Variants in EYA2 observed in about 807,000 individuals in gnomAD.
The protein encoded by EYA2 is protein phosphatase EYA2.
In EYA2, 31 loss-of-function variants were observed where a neutral mutation model predicts 69.2. That is an observed-to-expected ratio of 0.45 (90% confidence interval 0.34 to 0.60). The LOEUF is 0.60. Among genes scored for constraint, EYA2 ranks in the 20% least tolerant of loss-of-function variants. EYA2 has a pLI of 0.02. For missense variants in EYA2, 622 were observed against 701.2 expected (o/e 0.89, Z 1.28); for synonymous variants, 257 against 279.4 (o/e 0.92, Z 0.80).
chr20:47,163,461 G>A (rs1161705072), intron 10 of EYA2, among the ~76,000 whole-genome samples: 1 of 152,122 alleles, frequency 6.6e-6, no homozygotes, highest in Non-Finnish European at 1.5e-5. Flanking sequence ...CACTTTGGGA[G>A]TCCGAGGCAG....
At chr20:47,075,131 T>C (rs990884374) in intron 7 of EYA2, among the ~76,000 whole-genome samples, 1 of 152,166 alleles carries the variant, frequency 6.6e-6, no homozygotes, top group African/African-American at 2.4e-5. Flanking sequence ...AATAAATAAA[T>C]AAAATACCCA....
At chr20:47,157,983 C>T (rs1407127350) in intron 10 of EYA2, among the ~76,000 whole-genome samples, 1 of 151,956 alleles carries the variant, frequency 6.6e-6, no homozygotes, top group Admixed American at 6.5e-5. Flanking sequence ...GACAAATGGA[C>T]AAATTGCGGT....
At chr20:47,142,160 A>C (rs918856954) in intron 9 of EYA2, among the ~76,000 whole-genome samples, 1 of 152,240 alleles carries the variant, frequency 6.6e-6, no homozygotes, top group Admixed American at 6.5e-5. Context: ...TTTCTAAAAA[A>C]ATGTAAAAAC....
intron 15 of EYA2, among the ~76,000 whole-genome samples, chr20:47,183,766 G>A (rs563946773): frequency 2.0e-5 from 3 of 152,150 alleles, no homozygotes; most frequent in Non-Finnish European, 4.4e-5. Context: ...ACAGCATTAA[G>A]CTAATGAAAA....
intron 5 of EYA2, among the ~76,000 whole-genome samples, chr20:47,063,633 G>A (rs2030994409): frequency 6.6e-6 from 1 of 152,136 alleles, no homozygotes; most frequent in African/African-American, 2.4e-5. Context: ...CTCTGATTGT[G>A]GGCCAAGTCT....
At position 46,962,973 on chromosome 20, in the gene EYA2, G is replaced by A. The variant is rs116154887; in HGVS notation, c.-10-27028G>A. ...TCCCTGGCACCAGCCTTCAGCCAGT[G>A]CCTCACAGGAGTGGGTGTATAAATA... On this transcript the variant is annotated intron_variant, in intron 1 of 15. Transcript: ENST00000327619. Among the ~76,000 whole-genome samples, 1,352 of 152,346 alleles carry A rather than the reference G, an allele frequency of 8.9e-3. 22 individuals are homozygous for A. The highest frequency in any genetic ancestry group is 0.03 in the African/African-American group (1,244 of 41,568).
intron 5 of EYA2, among the ~76,000 whole-genome samples, chr20:47,049,190 TAC>T (rs909501176): frequency 1.4e-5 from 1 of 70,230 alleles, no homozygotes; most frequent in Admixed American, 1.2e-4. Context: ...GCAAAGATAG[TAC>T]AGAGTTCCCT....
chr20:46,915,866 G>A (rs1419365666), intron 1 of EYA2, among the ~76,000 whole-genome samples: 3 of 152,144 alleles, frequency 2.0e-5, no homozygotes, highest in East Asian at 1.9e-4. Flanking sequence ...CCCCGGACCT[G>A]GGGGCTCAAT....
chr20:46,981,325 T>G (rs1005765637), intron 1 of EYA2, among the ~76,000 whole-genome samples: 1 of 152,232 alleles, frequency 6.6e-6, no homozygotes, highest in Non-Finnish European at 1.5e-5. Context: ...CTTGAGTTGC[T>G]TGTTCACATT....
chr20:47,172,782 C>T lies in EYA2; in HGVS notation c.1113C>T (p.His371=), dbSNP rs200642511. ...ACCTGTGCCTGGGCTCTGGCGTGCA[C>T]GGCGGCGTGGACTGGATGAGGAAGC... is the stretch of plus-strand genomic sequence containing the variant. The part of the protein sequence containing the change: ...GANLCLGSGV[H]GGVDWMRKLA... Residue 371 remains histidine, a synonymous_variant, in exon 12 of 16, where the codon CAC becomes CAT. Coordinates refer to ENST00000327619, the MANE Select transcript of EYA2 (RefSeq NM_005244.5). The T allele has an allele frequency of 1.1e-5, 17 of 1,614,098 alleles. No homozygotes were observed. In the East Asian group the frequency reaches 2.2e-4, roughly 21 times the overall value.
At chr20:46,950,513 C>T (rs1183490367) in intron 1 of EYA2, among the ~76,000 whole-genome samples, 1 of 152,158 alleles carries the variant, frequency 6.6e-6, no homozygotes, top group Non-Finnish European at 1.5e-5. Flanking sequence ...CCCTGCTCCT[C>T]CTTCTGGGTG....
intron 1 of EYA2, among the ~76,000 whole-genome samples, chr20:46,900,383 G>A (rs117907069): frequency 6.6e-5 from 10 of 152,178 alleles, no homozygotes; most frequent in East Asian, 1.9e-4. Flanking sequence ...TGAAATACAC[G>A]TGTATTAGCC....
intron 1 of EYA2, among the ~76,000 whole-genome samples, chr20:46,898,556 A>G (rs1983933139): frequency 6.6e-6 from 1 of 152,214 alleles, no homozygotes; most frequent in Admixed American, 6.5e-5. Flanking sequence ...TACAAAACAA[A>G]AAGAAGATTC....
Position 47,074,262 on chromosome 20 carries a change from C to A in EYA2, c.588C>A (p.Pro196=). 6.2e-7 allele frequency: 1 copy of A among 1,614,172 alleles called. No individual in the cohort carries two copies. The highest frequency in any genetic ancestry group is 2.2e-5 in the East Asian group (1 of 44,862). Residue 196 remains proline, a synonymous_variant, in exon 7 of 16, where the codon CCC becomes CCA. Transcript: ENST00000327619. ...YVPASSICPS[P]LSTSTYVLQE... ...CGGCCAGCAGCATCTGCCCTTCGCC[C>A]CTCTCCACGTCCACCTACGTCCTCC...
intron 9 of EYA2, among the ~76,000 whole-genome samples, chr20:47,123,627 T>C (rs1483692269): frequency 6.6e-6 from 1 of 152,152 alleles, no homozygotes; most frequent in East Asian, 1.9e-4. Context: ...TTAATTGATA[T>C]ATAAATGTTA....
intron 1 of EYA2, among the ~76,000 whole-genome samples, chr20:46,964,528 C>T (rs1220276664): frequency 6.6e-6 from 1 of 152,192 alleles, no homozygotes; most frequent in Non-Finnish European, 1.5e-5. Context: ...GCTTTGCCTC[C>T]AACCCCTCCC....
At chr20:46,987,850 C>T (rs1429999700) in intron 1 of EYA2, among the ~76,000 whole-genome samples, 2 of 146,610 alleles carry the variant, frequency 1.4e-5, no homozygotes, top group Non-Finnish European at 3.0e-5. Context: ...TCACTTGAAC[C>T]TGGGAGGCAG....
chr20:47,035,382 A>G (rs1984641085), intron 5 of EYA2, among the ~76,000 whole-genome samples: 1 of 151,960 alleles, frequency 6.6e-6, no homozygotes, highest in African/African-American at 2.4e-5. Context: ...CTTCCCAGCC[A>G]CCCCCTCCCA....
chr20:47,077,995 A>G (rs1474334549), intron 7 of EYA2, among the ~76,000 whole-genome samples: 1 of 152,228 alleles, frequency 6.6e-6, no homozygotes, highest in Admixed American at 6.5e-5. Context: ...CTATAATTCA[A>G]TGGTGAACTG....
Sources: allele counts gnomAD v4.1 joint callset (sites outside exome capture counted in the v4.1 genomes callset), GRCh38; gene constraint gnomAD v4.1.1; transcripts MANE v1.5; gene names NCBI Gene and HGNC (gene_info 2026-07-23, HGNC 2026-07-21).